The following NCAM1 variants were observed in gnomAD, a reference collection of about 807,000 sequenced individuals.
NCAM1 encodes the protein neural cell adhesion molecule 1, also known as antigen recognized by monoclonal antibody 5.1H11.
In NCAM1, 14 loss-of-function variants were observed where a neutral mutation model predicts 109.8. The ratio of observed to expected loss-of-function variants is 0.13; its 90% CI spans 0.08 to 0.20. The LOEUF (loss-of-function observed/expected upper bound fraction) is 0.20. Ranked by LOEUF, NCAM1 falls within the 10% of genes least tolerant of loss-of-function variation. The pLI is 1.00. For missense variants in NCAM1, 774 were observed against 1,109.9 expected, an observed-to-expected ratio of 0.70 and a Z score of 4.30; for synonymous variants, 418 against 442.9, an observed-to-expected ratio of 0.94 and a Z score of 0.70.
At chr11:113,150,200 G>A (rs1329146268) in intron 1 of NCAM1, among the ~76,000 whole-genome samples, 1 of 152,136 alleles carries the variant, frequency 6.6e-6, no homozygotes, top group Non-Finnish European at 1.5e-5. Flanking sequence ...ACCAATTTTG[G>A]TGAATTTATC....
rs138849431 is a variant in NCAM1 at position 113,207,476 on chromosome 11, T to G, written c.746+98T>G. ...GTGTCTGCGTGGAATGGATGTGGGCTTCTTAGGAATATTAACCCCAGGAGA... is the reference window on the plus strand; with the variant it reads ...GTGTCTGCGTGGAATGGATGTGGGCGTCTTAGGAATATTAACCCCAGGAGA... On this transcript the variant is annotated intron_variant, in intron 6 of 19. Coordinates refer to ENST00000316851, the MANE Select transcript of NCAM1 (RefSeq NM_181351.5). 3 of 930,740 alleles carry G rather than the reference T, an allele frequency of 3.2e-6. No individual in the cohort carries two copies. In the South Asian group the frequency reaches 4.7e-5, roughly 14 times the overall value. The allele number at this position is 930,740 out of a possible 1,614,324, so 57.7% of individuals were successfully genotyped here.
chr11:113,217,101 C>T (rs952076503), intron 8 of NCAM1, among the ~76,000 whole-genome samples: 38 of 152,124 alleles, frequency 2.5e-4, no homozygotes, highest in Admixed American at 1.3e-3. Context: ...GTAAAGAATC[C>T]TCCTGAGATT....
intron 1 of NCAM1, among the ~76,000 whole-genome samples, chr11:113,166,848 G>T (rs1328213775): frequency 6.6e-6 from 1 of 152,136 alleles, no homozygotes; most frequent in East Asian, 1.9e-4. Context: ...CAAGAAAAAT[G>T]AAATACAAAT....
At chr11:113,140,530 A>C (rs1941776232) in intron 1 of NCAM1, among the ~76,000 whole-genome samples, 1 of 152,196 alleles carries the variant, frequency 6.6e-6, no homozygotes, top group African/African-American at 2.4e-5. Flanking sequence ...GTCAGCTGTA[A>C]ACCTTAGGCC....
chr11:113,271,958 C>T (rs567387416), intron 19 of NCAM1, 82 bp downstream of exon 19: 5 of 1,064,112 alleles, frequency 4.7e-6, no homozygotes, highest in South Asian at 3.1e-5. Context: ...CCTCCCGTGC[C>T]CCTACCCACA....
intron 9 of NCAM1, among the ~76,000 whole-genome samples, chr11:113,225,157 C>T (rs1944805462): frequency 6.6e-6 from 1 of 152,116 alleles, no homozygotes; most frequent in South Asian, 2.1e-4. Context: ...GAAGTTCGAA[C>T]CCATGGCAAA....
At chr11:113,166,934 C>T (rs1454347243) in intron 1 of NCAM1, among the ~76,000 whole-genome samples, 2 of 152,182 alleles carry the variant, frequency 1.3e-5, no homozygotes, top group African/African-American at 4.8e-5. Flanking sequence ...AAACTAACTT[C>T]TTATAGAATC....
intron 15 of NCAM1, among the ~76,000 whole-genome samples, chr11:113,253,917 G>T (rs1463673040): frequency 6.6e-6 from 1 of 152,110 alleles, no homozygotes; most frequent in African/African-American, 2.4e-5. Context: ...TGAACTTGCA[G>T]TGCTAAAACC....
At chr11:113,143,388 G>A (rs1941900096) in intron 1 of NCAM1, among the ~76,000 whole-genome samples, 2 of 152,120 alleles carry the variant, frequency 1.3e-5, no homozygotes, top group Non-Finnish European at 2.9e-5. Flanking sequence ...TTATTCCGGT[G>A]GTTTTTTACT....
chr11:113,149,408 C>T (rs1942143769), intron 1 of NCAM1, among the ~76,000 whole-genome samples: 1 of 152,072 alleles, frequency 6.6e-6, no homozygotes, highest in African/African-American at 2.4e-5. Flanking sequence ...TTATAATAAT[C>T]CAAATAAGGG....
intron 2 of NCAM1, among the ~76,000 whole-genome samples, chr11:113,203,136 T>C (rs192683381): frequency 9.8e-5 from 15 of 152,288 alleles, no homozygotes; most frequent in African/African-American, 3.6e-4. Flanking sequence ...GTATATGACA[T>C]GACTGGGATT....
At chr11:113,230,824 G>T (rs1944983289) in intron 9 of NCAM1, among the ~76,000 whole-genome samples, 1 of 152,186 alleles carries the variant, frequency 6.6e-6, no homozygotes, top group Admixed American at 6.5e-5. Context: ...ATTTTACTTA[G>T]AATGTCAAGG....
intron 17 of NCAM1, among the ~76,000 whole-genome samples, chr11:113,261,196 CT>C (rs1337836384): frequency 2.6e-5 from 4 of 151,976 alleles, no homozygotes; most frequent in African/African-American, 9.7e-5. Context: ...GGCAGCCCCC[CT>C]CATGCCTGCC....
At chr11:113,119,543 G>A (rs1053950776) in intron 1 of NCAM1, among the ~76,000 whole-genome samples, 2 of 152,194 alleles carry the variant, frequency 1.3e-5, no homozygotes, top group East Asian at 3.9e-4. Context: ...AGGGGCCATC[G>A]TGATGGAATT....
chr11:113,007,760 ATGCTGCAT>A (rs1951925899), intron 1 of NCAM1, among the ~76,000 whole-genome samples: 1 of 152,208 alleles, frequency 6.6e-6, no homozygotes, highest in Admixed American at 6.5e-5. Context: ...CTCTTACCAG[ATGCTGCAT>A]TGCCAGTGTT....
intron 1 of NCAM1, among the ~76,000 whole-genome samples, chr11:113,022,462 G>A (rs1952417993): frequency 6.6e-6 from 1 of 152,112 alleles, no homozygotes; most frequent in African/African-American, 2.4e-5. Context: ...TAGACTTGTG[G>A]GATGAAGGAA....
At chr11:113,051,556 G>A (rs545920999) in intron 1 of NCAM1, among the ~76,000 whole-genome samples, 12 of 151,894 alleles carry the variant, frequency 7.9e-5, no homozygotes, top group Admixed American at 2.0e-4. Context: ...TTAACATTTT[G>A]GTGTCTATCC....
At chr11:113,054,359 A>G (rs984927451) in intron 1 of NCAM1, among the ~76,000 whole-genome samples, 2 of 152,166 alleles carry the variant, frequency 1.3e-5, no homozygotes, top group Non-Finnish European at 2.9e-5. Flanking sequence ...GTGTTTACCA[A>G]CTTATAATAA....
intron 1 of NCAM1, among the ~76,000 whole-genome samples, chr11:113,054,261 T>C (rs1482616127): frequency 6.6e-6 from 1 of 152,202 alleles, no homozygotes; most frequent in Non-Finnish European, 1.5e-5. Context: ...TAAGTGAAGA[T>C]TGCTCTGATC....
Sources: allele counts gnomAD v4.1 joint callset (sites outside exome capture counted in the v4.1 genomes callset), GRCh38; gene constraint gnomAD v4.1.1; transcripts MANE v1.5; gene names NCBI Gene and HGNC (gene_info 2026-07-23, HGNC 2026-07-21).